The following MARK3 variants were observed in gnomAD, a reference collection of about 807,000 sequenced individuals.
The protein encoded by MARK3 is MAP/microtubule affinity-regulating kinase 3.
MARK3 carries 46 observed loss-of-function variants against 90.1 expected under a neutral mutation model. That is an observed-to-expected ratio of 0.51 (90% confidence interval 0.40 to 0.65). The LOEUF is 0.65. MARK3 is among the 30% of genes least tolerant of loss of function. The pLI is 0.00. For missense variants in MARK3, 818 were observed against 947.2 expected (o/e 0.86, Z 1.79); for synonymous variants, 321 against 332.6 (o/e 0.97, Z 0.38).
intron 1 of MARK3, among the ~76,000 whole-genome samples, chr14:103,400,784 A>G (rs1309036602): frequency 6.6e-6 from 1 of 151,666 alleles, no homozygotes; most frequent in African/African-American, 2.4e-5. Context: ...AGTACCAGCT[A>G]CTAAGGAGGC....
chr14:103,451,869 C>A, intron 4 of MARK3, 49 bp from the exon 5 acceptor site: 1 of 1,299,892 alleles, frequency 7.7e-7, no homozygotes, highest in South Asian at 1.2e-5. Flanking sequence ...ATGGTTTGTG[C>A]ATACAGACAT....
In MARK3 at chr14:103,475,175, A is replaced by G. The variant is rs1186843855; in HGVS notation, c.1447A>G (p.Ile483Val). The G allele has an allele frequency of 1.2e-6, 2 of 1,613,714 alleles. No individual in the cohort carries two copies. The highest frequency in any genetic ancestry group is 8.5e-7 in the Non-Finnish European group (1 of 1,180,034). Reference sequence around the variant, plus strand: ...TGCAAGTAATCCTAATAAGGCGGATATTCCTGAACGCAAGAAAAGCTCCAC... The same window carrying G: ...TGCAAGTAATCCTAATAAGGCGGATGTTCCTGAACGCAAGAAAAGCTCCAC... ...GNASNPNKAD[I>V]PERKKSSTVP... is the part of the protein sequence containing the mutation. Residue 483 changes from isoleucine to valine, a missense_variant, in exon 13 of 18, where the codon ATT (isoleucine) becomes GTT (valine). Ile to Val is a conservative substitution (Grantham distance 29). Coordinates refer to ENST00000429436, the MANE Select transcript of MARK3 (RefSeq NM_001128918.3).
chr14:103,396,445 TC>T (rs1453211346), intron 1 of MARK3, among the ~76,000 whole-genome samples: 1 of 152,202 alleles, frequency 6.6e-6, no homozygotes, highest in Admixed American at 6.5e-5. Context: ...TATATTTTTT[TC>T]CTTTACTTTC....
intron 2 of MARK3, chr14:103,412,264 G>T (rs2091687067): frequency 2.9e-6 from 2 of 691,864 alleles, no homozygotes; most frequent in Non-Finnish European, 5.0e-6. Context: ...TCTTCACGTG[G>T]CCAACAGCCA....
At chr14:103,480,626 T>C in intron 14 of MARK3, 136 bp downstream of exon 14, 2 of 582,924 alleles carry the variant, frequency 3.4e-6, no homozygotes, top group Non-Finnish European at 6.1e-6. Context: ...TAAATTTGTA[T>C]ACTAATTTTT....
At chr14:103,490,594 ATAT>A (rs1033839412) in intron 14 of MARK3, 2 of 152,320 alleles carry the variant, frequency 1.3e-5, no homozygotes, top group Non-Finnish European at 2.9e-5. Flanking sequence ...TAGCATGCTC[ATAT>A]TATATATTCA....
At chr14:103,455,532 G>A (rs2093256530) in intron 5 of MARK3, among the ~76,000 whole-genome samples, 1 of 152,088 alleles carries the variant, frequency 6.6e-6, no homozygotes, top group Admixed American at 6.6e-5. Context: ...TTCGAGACCA[G>A]CCTGGCCAAC....
At chr14:103,424,576 G>A (rs897820879) in intron 2 of MARK3, among the ~76,000 whole-genome samples, 11 of 151,212 alleles carry the variant, frequency 7.3e-5, no homozygotes, top group Non-Finnish European at 1.5e-4. Flanking sequence ...AGGATATTGA[G>A]CAGAACCATA....
intron 15 of MARK3, among the ~76,000 whole-genome samples, chr14:103,494,544 C>CTAAAA (rs2075222167): frequency 1.2e-5 from 1 of 84,622 alleles, no homozygotes; most frequent in Non-Finnish European, 2.2e-5. Flanking sequence ...AACTCTGTCT[C>CTAAAA]AAAAAAAAAA....
chr14:103,467,898 T>G (rs1412969297), intron 11 of MARK3, 135 bp from the exon 12 acceptor site: 11 of 804,086 alleles, frequency 1.4e-5, no homozygotes, highest in Non-Finnish European at 2.1e-5. Context: ...AGGGTTGTCA[T>G]TTTTGTACGT....
At chr14:103,460,104 T>TTTTTTTTTTC (rs869151389) in intron 6 of MARK3, among the ~76,000 whole-genome samples, 1 of 108,542 alleles carries the variant, frequency 9.2e-6, no homozygotes, top group Non-Finnish European at 1.9e-5. Flanking sequence ...TTTTTTTTTT[T>TTTTTTTTTTC]GAGACAAATC....
At chr14:103,386,760 C>A (rs996974604) in intron 1 of MARK3, among the ~76,000 whole-genome samples, 1 of 152,194 alleles carries the variant, frequency 6.6e-6, no homozygotes, top group Non-Finnish European at 1.5e-5. Flanking sequence ...TGAGGGACAC[C>A]CGCTGGGGGC....
At chr14:103,442,981 C>T (rs2092900663) in intron 3 of MARK3, among the ~76,000 whole-genome samples, 1 of 143,018 alleles carries the variant, frequency 7.0e-6, no homozygotes, top group Non-Finnish European at 1.5e-5. Context: ...AGAAGAGAGG[C>T]AATGAAATAG....
intron 3 of MARK3, among the ~76,000 whole-genome samples, chr14:103,444,331 G>A (rs2092938832): frequency 6.6e-6 from 1 of 152,046 alleles, no homozygotes; most frequent in South Asian, 2.1e-4. Context: ...TTCCATAGAG[G>A]ATGTATAGAT....
At chr14:103,399,056 C>G (rs1016698814) in intron 1 of MARK3, among the ~76,000 whole-genome samples, 6 of 152,124 alleles carry the variant, frequency 3.9e-5, no homozygotes, top group Non-Finnish European at 8.8e-5. Flanking sequence ...GTAAGTAGGC[C>G]TCTCAGATTT....
In MARK3 at chr14:103,442,296, G is replaced by A. The variant is rs2092878011; in HGVS notation, c.298-6623G>A. 2.0e-5 allele frequency among the ~76,000 whole-genome samples: 3 copies of A among 152,052 alleles called. No individual in the cohort carries two copies. The South Asian group carries it at 6.2e-4, about 32-fold the overall frequency. ...GAGGCAGGAGAATGGTGTGAACCCG[G>A]GGGGCGGAGCTTGCAGTGAGCGGAC... On this transcript the variant is annotated intron_variant, in intron 3 of 17. Coordinates refer to ENST00000429436, the MANE Select transcript of MARK3 (RefSeq NM_001128918.3).
At chr14:103,480,005 G>T (rs1238715350) in intron 13 of MARK3, among the ~76,000 whole-genome samples, 1 of 151,956 alleles carries the variant, frequency 6.6e-6, no homozygotes, top group East Asian at 1.9e-4. Flanking sequence ...TTGTCAGGCC[G>T]GGCACCTCAG....
intron 15 of MARK3, among the ~76,000 whole-genome samples, chr14:103,493,258 A>ATTTTTTTTTTTTTTTTTTTTTTTTTTT (rs10678432): frequency 9.5e-6 from 1 of 105,374 alleles, no homozygotes. Context: ...TTTTTTTTTA[A>ATTTTTTTTTTTTTTTTTTTTTTTTTTT]TTTTTTTTTT....
intron 2 of MARK3, chr14:103,412,594 C>CTTAA (rs2091711874): frequency 2.3e-6 from 2 of 863,956 alleles, no homozygotes; most frequent in East Asian, 7.4e-5. Context: ...AGGGAGTGGA[C>CTTAA]TTAAGCCTGA....
Sources: gnomAD v4.1 joint callset for allele counts (sites outside exome capture counted in the v4.1 genomes callset) on GRCh38, gnomAD v4.1.1 for gene constraint, MANE v1.5 for transcripts, NCBI Gene and HGNC (gene_info 2026-07-23, HGNC 2026-07-21) for gene names.